The following XRCC5 variants were observed in gnomAD, a reference collection of about 807,000 sequenced individuals.
XRCC5 encodes DNA repair protein Ku80.
A neutral mutation model predicts 95.7 loss-of-function variants in XRCC5; 12 were observed. The observed-to-expected ratio is 0.13, with a 90% CI of 0.08 to 0.20. XRCC5 has a LOEUF of 0.20. Among genes scored for constraint, XRCC5 ranks in the 10% least tolerant of loss-of-function variants. The probability of loss-of-function intolerance (pLI) is 1.00; values close to 1 mark genes in which losing one functional copy is unlikely to be tolerated. For synonymous variants in XRCC5, 281 were observed against 290.3 expected, an observed-to-expected ratio of 0.97 and a Z score of 0.33; for missense variants, 595 against 873.9, an observed-to-expected ratio of 0.68 and a Z score of 4.02.
At chr2:216,126,797 A>G (rs1032277583) in intron 7 of XRCC5, among the ~76,000 whole-genome samples, 1 of 152,146 alleles carries the variant, frequency 6.6e-6, no homozygotes, top group Admixed American at 6.5e-5. Flanking sequence ...TTCAGCTTCC[A>G]TCAAAGCCTA....
At chr2:216,186,570 A>G (rs534258629) in intron 16 of XRCC5, among the ~76,000 whole-genome samples, 8 of 152,356 alleles carry the variant, frequency 5.3e-5, no homozygotes, top group Non-Finnish European at 1.2e-4. Flanking sequence ...TCAAAATCCA[A>G]AACAGACATT....
intron 13 of XRCC5, among the ~76,000 whole-genome samples, chr2:216,146,449 A>G (rs1226219653): frequency 1.3e-5 from 2 of 152,246 alleles, no homozygotes; most frequent in East Asian, 3.8e-4. Context: ...TGATAGGAGC[A>G]GTATTTTGAA....
chr2:216,180,876 G>A (rs1292658945), intron 16 of XRCC5, among the ~76,000 whole-genome samples: 2 of 150,254 alleles, frequency 1.3e-5, no homozygotes, highest in Admixed American at 6.6e-5. Context: ...GCAATGGCGC[G>A]ATCTCGGCTC....
chr2:216,145,620 G>T lies in XRCC5; in HGVS notation c.1477-2463G>T, dbSNP rs115545300. Among the ~76,000 whole-genome samples, 984 of 152,256 alleles carry T rather than the reference G, an allele frequency of 6.5e-3. 14 individuals carry two copies. Among genetic ancestry groups the T allele is most frequent in the African/African-American group, 0.022 (922 of 41,536 alleles). ...GGGAATTTTTACCTGAATGAATTTT[G>T]TAAGTATCTCGCTTAGCTTAATTTG... On this transcript the variant is annotated intron_variant, in intron 13 of 20. Transcript: ENST00000392132.
At chr2:216,198,917 ACAT>A (rs1466685099) in intron 19 of XRCC5, among the ~76,000 whole-genome samples, 2 of 152,084 alleles carry the variant, frequency 1.3e-5, no homozygotes, top group Non-Finnish European at 2.9e-5. Flanking sequence ...GGGAGAGTGT[ACAT>A]GTAAATGATA....
In XRCC5 at chr2:216,125,901, A is replaced by G. The variant is rs1332179844; in HGVS notation, c.684-16A>G. The stretch of plus-strand genomic sequence containing the variant: ...TTAAAAATTGTTGCTTTCATTTTAT[A>G]TTTTTCTTTATTAAGTGAGAGTCTG... On this transcript the variant is annotated splice_polypyrimidine_tract_variant and intron_variant, in intron 6 of 20. Transcript: ENST00000392132. 4 of 1,600,000 alleles carry G rather than the reference A, an allele frequency of 2.5e-6. No homozygotes were observed. The highest frequency in any genetic ancestry group is 2.7e-5 in the African/African-American group (2 of 74,492).
At chr2:216,197,949 T>C (rs1689760978) in intron 19 of XRCC5, among the ~76,000 whole-genome samples, 1 of 152,184 alleles carries the variant, frequency 6.6e-6, no homozygotes, top group South Asian at 2.1e-4. Context: ...ACATCATATC[T>C]AGATAATGGT....
At chr2:216,152,690 C>G (rs1433076172) in intron 14 of XRCC5, among the ~76,000 whole-genome samples, 1 of 149,292 alleles carries the variant, frequency 6.7e-6, no homozygotes, top group Non-Finnish European at 1.5e-5. Context: ...CAGGGTGTCT[C>G]TCTGTCACCC....
chr2:216,144,062 G>A (rs935980301), intron 13 of XRCC5, among the ~76,000 whole-genome samples: 1 of 152,080 alleles, frequency 6.6e-6, no homozygotes, highest in Non-Finnish European at 1.5e-5. Context: ...GAAAAGTAGA[G>A]AGAGAAAAAA....
At chr2:216,126,107 C>A in intron 7 of XRCC5, 76 bp downstream of exon 7, 1 of 1,160,298 alleles carries the variant, frequency 8.6e-7, no homozygotes, top group Non-Finnish European at 1.3e-6. Flanking sequence ...ACAGACAATT[C>A]ATGTGTGTGT....
At chr2:216,194,536 C>T (rs1025175221) in intron 18 of XRCC5, among the ~76,000 whole-genome samples, 2 of 152,210 alleles carry the variant, frequency 1.3e-5, no homozygotes, top group African/African-American at 4.8e-5. Flanking sequence ...TCATGGAACA[C>T]GTGGCATTTG....
chr2:216,111,655 C>A (rs112145394), intron 1 of XRCC5, among the ~76,000 whole-genome samples: 5 of 152,270 alleles, frequency 3.3e-5, no homozygotes, highest in Middle Eastern at 3.4e-3. Flanking sequence ...CTAAGCTGCT[C>A]ATTTCATGTT....
chr2:216,150,523 G>C (rs1688721969), intron 14 of XRCC5, among the ~76,000 whole-genome samples: 1 of 152,142 alleles, frequency 6.6e-6, no homozygotes, highest in South Asian at 2.1e-4. Context: ...TAGGCTATGT[G>C]GTATGGCCTT....
chr2:216,190,481 T>C (rs1425389284), intron 17 of XRCC5, 147 bp downstream of exon 17: 2 of 581,492 alleles, frequency 3.4e-6, no homozygotes, highest in Non-Finnish European at 5.8e-6. Context: ...GAGCTAAAAA[T>C]GACTTAAATT....
chr2:216,141,559 TTTTTTTTC>T lies in XRCC5; in HGVS notation c.1476+241_1476+248del, dbSNP rs1319573278. Among the ~76,000 whole-genome samples, 55 of 56,662 alleles carry T rather than the reference TTTTTTTTC, an allele frequency of 9.7e-4. 1 individual carries two copies. Among genetic ancestry groups the T allele is most frequent in the Middle Eastern group, 9.3e-3 (1 of 108 alleles). The allele number at this position is 56,662 out of a possible 152,430, so 37.2% of individuals were successfully genotyped here. On this transcript the variant is annotated intron_variant, in intron 13 of 20. Transcript: ENST00000392132. The stretch of plus-strand genomic sequence containing the variant: ...TCTTTTCTTTTTTTTTTTTTTTTTT[TTTTTTTTC>T]CTGGAAGAAGCTTACTTTAACAAAA...
At chr2:216,156,576 A>T (rs1019919725) in intron 14 of XRCC5, 1 of 587,672 alleles carries the variant, frequency 1.7e-6, no homozygotes, top group African/African-American at 1.9e-5. Flanking sequence ...TTCCCATGGT[A>T]CTCACGAACT....
intron 14 of XRCC5, among the ~76,000 whole-genome samples, chr2:216,149,502 T>G (rs1688703266): frequency 6.6e-6 from 1 of 152,220 alleles, no homozygotes; most frequent in Admixed American, 6.5e-5. Flanking sequence ...CTGCTATCCT[T>G]ATCTACCTTC....
intron 16 of XRCC5, among the ~76,000 whole-genome samples, chr2:216,162,696 C>T (rs1688975392): frequency 6.6e-6 from 1 of 152,100 alleles, no homozygotes; most frequent in Admixed American, 6.5e-5. Flanking sequence ...CCGGCCACAT[C>T]TTCCTATTTT....
chr2:216,195,099 G>A (rs562645518), intron 19 of XRCC5, 113 bp downstream of exon 19: 3 of 938,544 alleles, frequency 3.2e-6, no homozygotes, highest in Non-Finnish European at 5.0e-6. Context: ...TACTCATTTT[G>A]TATTCAATAT....
Sources: gnomAD v4.1 joint callset for allele counts (sites outside exome capture counted in the v4.1 genomes callset) on GRCh38, gnomAD v4.1.1 for gene constraint, MANE v1.5 for transcripts, NCBI Gene and HGNC (gene_info 2026-07-23, HGNC 2026-07-21) for gene names.